Variants in CHD5 observed in about 807,000 individuals in gnomAD.
CHD5 encodes the protein ATP-dependent chromatin remodeler CHD5.
In CHD5, 69 loss-of-function variants were observed where a neutral mutation model predicts 230.3. The observed-to-expected ratio is 0.30, with a 90% CI of 0.25 to 0.37. The LOEUF is 0.37. Ranked by LOEUF, CHD5 falls within the 10% of genes least tolerant of loss-of-function variation. CHD5 has a pLI of 1.00. For missense variants in CHD5, 1,827 were observed against 2,622.8 expected, an observed-to-expected ratio of 0.70 and a Z score of 6.63; for synonymous variants, 1,064 against 1,065.9, an observed-to-expected ratio of 1.00 and a Z score of 0.03.
chr1:6,119,065 TAAA>T (rs35690342), intron 33 of CHD5, among the ~76,000 whole-genome samples: 2 of 145,634 alleles, frequency 1.4e-5, no homozygotes, highest in African/African-American at 2.5e-5. Flanking sequence ...GCTGTTATCT[TAAA>T]AAAAAAAAAA....
chr1:6,150,895 C>A (rs1286408636), intron 7 of CHD5, 137 bp downstream of exon 7: 16 of 1,135,442 alleles, frequency 1.4e-5, no homozygotes, highest in Non-Finnish European at 1.5e-5. Context: ...AGGATGCCCT[C>A]CCCCTGCTTC....
At chr1:6,170,080 C>T (rs1322037413) in intron 1 of CHD5, among the ~76,000 whole-genome samples, 3 of 152,218 alleles carry the variant, frequency 2.0e-5, no homozygotes, top group South Asian at 2.1e-4. Context: ...CCCCTTCCCC[C>T]GAGGAAGTTT....
rs1666527531 is a variant in CHD5, at chr1:6,124,735, C to A, written c.4395-74G>T. The stretch of plus-strand genomic sequence containing the variant: ...GAACCCTCTGAGAGGGCTGGCAGGA[C>A]CCCAGGGGAACTCCTGGCTGATCTT... On this transcript the variant is annotated intron_variant, in intron 29 of 41. Transcript: ENST00000262450. 1.9e-5 allele frequency: 18 copies of A among 934,474 alleles called. No individual in the cohort carries two copies. In the South Asian group the frequency reaches 2.7e-4, roughly 14 times the overall value. 57.9% of individuals were successfully genotyped at this position (934,474 alleles called of 1,614,324 possible).
intron 33 of CHD5, among the ~76,000 whole-genome samples, chr1:6,114,488 T>TGTATATATATATACATATA (rs1666343667): frequency 6.9e-6 from 1 of 144,446 alleles, no homozygotes; most frequent in South Asian, 2.3e-4. Flanking sequence ...GCTGATGAGC[T>TGTATATATATATACATATA]TATATATATA....
chr1:6,124,309 A>G (rs1194505749), intron 30 of CHD5, among the ~76,000 whole-genome samples: 4 of 90,616 alleles, frequency 4.4e-5, no homozygotes, highest in South Asian at 3.8e-4. Flanking sequence ...GTGTCCTCCA[A>G]CTGTATGTAA....
At chr1:6,138,838 C>T (rs917081836) in intron 15 of CHD5, among the ~76,000 whole-genome samples, 12 of 152,196 alleles carry the variant, frequency 7.9e-5, no homozygotes, top group African/African-American at 2.7e-4. Flanking sequence ...GCGTTACTGA[C>T]GACCACTAAA....
In CHD5 at chr1:6,149,428, G is replaced by T. The variant is rs752760225; in HGVS notation, c.995-16C>A. On this transcript the variant is annotated splice_polypyrimidine_tract_variant and intron_variant, in intron 7 of 41. Coordinates refer to ENST00000262450, the MANE Select transcript of CHD5 (RefSeq NM_015557.3). ...CCATCATCAACTAGGGTAGGGGAGA[G>T]GCAGTCATGGAAGTCCTCATCCACA... The T allele has an allele frequency of 5.1e-5, 81 of 1,591,436 alleles. No homozygotes were observed. Among genetic ancestry groups the T allele is most frequent in the Admixed American group, 1.0e-4 (6 of 58,958 alleles).
chr1:6,176,518 G>A (rs886374861), intron 1 of CHD5, among the ~76,000 whole-genome samples: 1 of 152,082 alleles, frequency 6.6e-6, no homozygotes, highest in Non-Finnish European at 1.5e-5. Flanking sequence ...CCCCTACCTT[G>A]GGCTTCACAG....
At chr1:6,179,519 T>A (rs1452745660) in intron 1 of CHD5, among the ~76,000 whole-genome samples, 1 of 150,720 alleles carries the variant, frequency 6.6e-6, no homozygotes, top group Non-Finnish European at 1.5e-5. Flanking sequence ...AGGGGCCGGG[T>A]CCCGCCTGCC....
Position 6,146,408 on chromosome 1 carries a change from T to C in CHD5, c.1606A>G (p.Thr536Ala). The C allele has an allele frequency of 6.2e-7, 1 of 1,613,986 alleles. No homozygotes were observed. The highest frequency in any genetic ancestry group is 8.5e-7 in the Non-Finnish European group (1 of 1,179,960). ...VKELQLELYH[T>A]VMYRNYQRKN... ...CTTTGGTAGTTGCGATACATCACCGTGTGGTACAGCTCCAGCTGCTCATGG... is the reference window on the plus strand; with the variant it reads ...CTTTGGTAGTTGCGATACATCACCGCGTGGTACAGCTCCAGCTGCTCATGG... The change falls in exon 11 of 42, where the codon ACG becomes GCG. Residue 536 changes from threonine to alanine, a missense_variant. This residue lies in a region of CHD5 where 657 missense variants were observed against 816.4 expected (regional missense o/e 0.80). Coordinates refer to ENST00000262450, the MANE Select transcript of CHD5 (RefSeq NM_015557.3). The surrounding 1 kb of genome is among the most constrained non-coding windows in gnomAD (Gnocchi z 5.1).
intron 2 of CHD5, among the ~76,000 whole-genome samples, chr1:6,165,869 A>G (rs1374105229): frequency 6.6e-6 from 1 of 151,864 alleles, no homozygotes; most frequent in African/African-American, 2.4e-5. Flanking sequence ...TTCCCCATCA[A>G]ATAACAGGGA....
Position 6,125,273 on chromosome 1 carries a change from G to C in CHD5, c.4261-40C>G. On this transcript the variant is annotated intron_variant, in intron 28 of 41. Transcript: ENST00000262450. The surrounding 1 kb of genome is among the most constrained non-coding windows in gnomAD (Gnocchi z 6.7). ...CGTGGGAGTATGAGCCCAGGACAGA[G>C]AGGGGTGGGGGTGGAGGATTCTGGG... The C allele has an allele frequency of 1.3e-6, 2 of 1,562,116 alleles. No individual in the cohort carries two copies. Among genetic ancestry groups the C allele is most frequent in the Non-Finnish European group, 1.7e-6 (2 of 1,154,708 alleles).
In CHD5 at chr1:6,125,645, G is replaced by A; in HGVS notation, c.4172-33C>T. On this transcript the variant is annotated intron_variant, in intron 27 of 41. Transcript: ENST00000262450. This position sits in a 1 kb window ranked among gnomAD's most constrained non-coding sequence, Gnocchi z 6.7. ...GCAGCCCGCCACAGTTCCTCAGGTG[G>A]GAGCCCAGAGATTCCTGATCCCCAA... The A allele has an allele frequency of 6.2e-7, 1 of 1,612,142 alleles. No homozygotes were observed. The highest frequency in any genetic ancestry group is 8.5e-7 in the Non-Finnish European group (1 of 1,178,414).
chr1:6,105,591 G>A lies in CHD5; in HGVS notation c.*47-164C>T, dbSNP rs1202012198. Among the ~76,000 whole-genome samples, 2 of 152,226 alleles carry A rather than the reference G, an allele frequency of 1.3e-5. No individual in the cohort carries two copies. The highest frequency in any genetic ancestry group is 2.1e-4 in the South Asian group (1 of 4,828). On this transcript the variant is annotated intron_variant, in intron 41 of 41. Coordinates refer to ENST00000262450, the MANE Select transcript of CHD5 (RefSeq NM_015557.3). This position sits in a 1 kb window ranked among gnomAD's most constrained non-coding sequence, Gnocchi z 4.8. Reference sequence around the variant, plus strand: ...CACAGGCTGCCGGGCCAGGCCATGAGCTACACCCAGAGTGCCGAGAGCACC... The same window carrying A: ...CACAGGCTGCCGGGCCAGGCCATGAACTACACCCAGAGTGCCGAGAGCACC...
At chr1:6,116,072 T>C (rs1487955854) in intron 33 of CHD5, among the ~76,000 whole-genome samples, 1 of 152,228 alleles carries the variant, frequency 6.6e-6, no homozygotes, top group South Asian at 2.1e-4. Flanking sequence ...TGCTTTCTTC[T>C]TTAGAGCATT....
chr1:6,110,484 C>A lies in CHD5; in HGVS notation c.5292G>T (p.Arg1764=). Residue 1764 remains arginine, a synonymous_variant, in exon 37 of 42, where the codon CGG becomes CGT. Transcript: ENST00000262450. ...ARWQDIQNDP[R]YMILNEPFKS... is the part of the protein sequence containing the mutation. ...TGAAGGGCTCGTTGAGGATCATGTA[C>A]CGTGGGTCATTCTGGATGTCCTGCC... 6.2e-7 allele frequency: 1 copy of A among 1,614,036 alleles called. No homozygotes were observed. The highest frequency in any genetic ancestry group is 8.5e-7 in the Non-Finnish European group (1 of 1,180,026).
chr1:6,121,327 T>TC lies in CHD5; in HGVS notation c.4780-91dup. The TC allele has an allele frequency of 1.3e-6, 2 of 1,550,208 alleles. No homozygotes were observed. Among genetic ancestry groups the TC allele is most frequent in the Non-Finnish European group, 1.8e-6 (2 of 1,141,764 alleles). On this transcript the variant is annotated intron_variant, in intron 32 of 41. Coordinates refer to ENST00000262450, the MANE Select transcript of CHD5 (RefSeq NM_015557.3). This position sits in a 1 kb window ranked among gnomAD's most constrained non-coding sequence, Gnocchi z 4.5. ...CGTGCGCTGGGCTGGGAACCCAGTC[T>TC]CCTGGCTCCCGTCGCTTGCTCCTAG...
chr1:6,111,828 G>A lies in CHD5; in HGVS notation c.5196C>T (p.Ile1732=). Residue 1732 remains isoleucine, a synonymous_variant, in exon 36 of 42, where the codon ATC becomes ATT. Transcript: ENST00000262450. The part of the protein sequence containing the change: ...EERAAVSSGK[I]YDIWHRRHDY... ...CATGGCGCCGGTGCCAGATGTCGTA[G>A]ATTTTCCCAGAGGATACAGCAGCCC... 1.9e-6 allele frequency: 3 copies of A among 1,613,564 alleles called. No individual in the cohort carries two copies. Among genetic ancestry groups the A allele is most frequent in the Non-Finnish European group, 2.5e-6 (3 of 1,180,006 alleles).
chr1:6,154,543 C>A lies in CHD5; in HGVS notation c.745+117G>T, dbSNP rs530720297. 2.2e-6 allele frequency: 2 copies of A among 895,610 alleles called. No homozygotes were observed. The highest frequency in any genetic ancestry group is 3.3e-6 in the Non-Finnish European group (2 of 601,942). The allele number at this position is 895,610 out of a possible 1,614,324, so 55.5% of individuals were successfully genotyped here. On this transcript the variant is annotated intron_variant, in intron 5 of 41. Transcript: ENST00000262450. This position sits in a 1 kb window ranked among gnomAD's most constrained non-coding sequence, Gnocchi z 7.0. Reference sequence around the variant, plus strand: ...AAGGTCACACAGGCACAGAGCCCTCCATTAGGAGCACCCCAGCTGCCCCTC... The same window carrying A: ...AAGGTCACACAGGCACAGAGCCCTCAATTAGGAGCACCCCAGCTGCCCCTC...
Sources: allele counts gnomAD v4.1 joint callset (sites outside exome capture counted in the v4.1 genomes callset), GRCh38; gene constraint gnomAD v4.1.1; regional missense constraint gnomAD v4.1.1; non-coding constraint Gnocchi (gnomAD v3.1); transcripts MANE v1.5; gene names NCBI Gene and HGNC (gene_info 2026-07-23, HGNC 2026-07-21).